Variants in ECHDC1 observed in about 807,000 individuals in gnomAD.
ECHDC1 encodes the protein ethylmalonyl-CoA decarboxylase.
Under a neutral mutation model 29.7 loss-of-function variants are expected in ECHDC1, and 29 were observed. That is an observed-to-expected ratio of 0.98 (90% CI 0.73 to 1.33). The LOEUF (loss-of-function observed/expected upper bound fraction) is 1.33. ECHDC1 is among the 40% of genes most tolerant of loss of function. The probability of loss-of-function intolerance (pLI) is 0.00; values close to 1 mark genes in which losing one functional copy is unlikely to be tolerated. For missense variants in ECHDC1, 328 were observed against 350.0 expected, an observed-to-expected ratio of 0.94 and a Z score of 0.50; for synonymous variants, 126 against 123.1, an observed-to-expected ratio of 1.02 and a Z score of -0.15.
chr6:127,341,922 T>C (rs1303379252), intron 1 of ECHDC1, among the ~76,000 whole-genome samples: 1 of 152,250 alleles, frequency 6.6e-6, no homozygotes, highest in East Asian at 1.9e-4. Flanking sequence ...TCTGATTCGG[T>C]TGTAGGCTGT....
At chr6:127,340,939 C>T (rs1784888113) in intron 1 of ECHDC1, among the ~76,000 whole-genome samples, 1 of 152,162 alleles carries the variant, frequency 6.6e-6, no homozygotes, top group Admixed American at 6.5e-5. Context: ...CTCTCTCCAA[C>T]ATCAACACTA....
At chr6:127,291,102 G>A (rs904590448) in intron 5 of ECHDC1, among the ~76,000 whole-genome samples, 2 of 151,908 alleles carry the variant, frequency 1.3e-5, no homozygotes, top group African/African-American at 2.4e-5. Context: ...GGAACATGGG[G>A]GATAAAATGA....
chr6:127,301,692 A>G (rs964204321), intron 5 of ECHDC1, among the ~76,000 whole-genome samples: 4 of 152,226 alleles, frequency 2.6e-5, no homozygotes, highest in African/African-American at 9.6e-5. Context: ...ACATTTAAGA[A>G]CTATAGTTGC....
chr6:127,325,808 T>C (rs1025119680), intron 3 of ECHDC1, among the ~76,000 whole-genome samples: 3 of 151,968 alleles, frequency 2.0e-5, no homozygotes, highest in African/African-American at 7.2e-5. Flanking sequence ...TCAAGCAACC[T>C]TCCCGCCTCA....
chr6:127,290,634 C>T (rs976170568), intron 5 of ECHDC1, among the ~76,000 whole-genome samples: 3 of 151,822 alleles, frequency 2.0e-5, no homozygotes, highest in African/African-American at 7.3e-5. Flanking sequence ...AAAAACAAAC[C>T]GAAAAGCATA....
intron 2 of ECHDC1, among the ~76,000 whole-genome samples, chr6:127,330,062 A>G (rs1005605739): frequency 6.6e-6 from 1 of 152,244 alleles, no homozygotes; most frequent in South Asian, 2.1e-4. Flanking sequence ...ATAATCATGA[A>G]GTGCATAACT....
Position 127,331,074 on chromosome 6 carries a change from A to T in ECHDC1, c.-2-44T>A, listed in dbSNP as rs1783892853. On this transcript the variant is annotated intron_variant, in intron 1 of 5. Transcript: ENST00000454859. Reference sequence around the variant, plus strand: ...TATGCGGTAGTATAGATGAATAGGCACTCACTTTTCTAATATTATGTGTTA... The same window carrying T: ...TATGCGGTAGTATAGATGAATAGGCTCTCACTTTTCTAATATTATGTGTTA... The T allele has an allele frequency of 2.0e-6, 3 of 1,470,316 alleles. No individual in the cohort carries two copies. In the East Asian group the frequency reaches 6.8e-5, roughly 33 times the overall value. 91.1% of individuals were successfully genotyped at this position (1,470,316 alleles called of 1,614,324 possible). A position where few individuals can be genotyped will look rare whatever the true frequency, so the allele number is the denominator to read the frequency against.
At chr6:127,299,084 C>T (rs191186449) in intron 5 of ECHDC1, among the ~76,000 whole-genome samples, 1 of 151,978 alleles carries the variant, frequency 6.6e-6, no homozygotes, top group African/African-American at 2.4e-5. Flanking sequence ...CCAGGCTGGT[C>T]TCCAACTCCT....
At chr6:127,325,254 C>T (rs1453262845) in intron 3 of ECHDC1, among the ~76,000 whole-genome samples, 1 of 152,112 alleles carries the variant, frequency 6.6e-6, no homozygotes, top group African/African-American at 2.4e-5. Flanking sequence ...CTCTTCAAAA[C>T]TGCCAAGGTC....
intron 5 of ECHDC1, chr6:127,294,637 G>A (rs1029819605): frequency 2.6e-5 from 4 of 152,092 alleles, no homozygotes; most frequent in Middle Eastern, 3.2e-3. Flanking sequence ...GTGAGGGGGG[G>A]AGCAGATATA....
intron 5 of ECHDC1, among the ~76,000 whole-genome samples, chr6:127,314,030 C>T (rs2114614754): frequency 6.6e-6 from 1 of 152,220 alleles, no homozygotes; most frequent in Middle Eastern, 3.4e-3. Context: ...GTCTACTAGA[C>T]GTCAGTGCTC....
At chr6:127,336,974 T>G (rs1784477408) in intron 1 of ECHDC1, among the ~76,000 whole-genome samples, 3 of 152,162 alleles carry the variant, frequency 2.0e-5, no homozygotes, top group African/African-American at 7.2e-5. Context: ...CACTGAGGAC[T>G]AAGCTCTGAT....
chr6:127,317,065 A>T (rs940500853), intron 3 of ECHDC1, among the ~76,000 whole-genome samples: 1 of 152,014 alleles, frequency 6.6e-6, no homozygotes. Flanking sequence ...TCTCCTCAAA[A>T]GCTTTTAATA....
chr6:127,334,549 T>A (rs1304290581), intron 1 of ECHDC1, among the ~76,000 whole-genome samples: 1 of 152,180 alleles, frequency 6.6e-6, no homozygotes, highest in Non-Finnish European at 1.5e-5. Context: ...GGTTTCTCAG[T>A]AGCTGTCTAC....
chr6:127,329,051 AAAAT>A (rs1221713209), intron 2 of ECHDC1, among the ~76,000 whole-genome samples: 1 of 151,874 alleles, frequency 6.6e-6, no homozygotes, highest in African/African-American at 2.4e-5. Flanking sequence ...AAATAAAATA[AAAAT>A]AAATAAATAA....
chr6:127,330,329 C>T (rs866650873), intron 2 of ECHDC1, among the ~76,000 whole-genome samples: 3 of 152,060 alleles, frequency 2.0e-5, no homozygotes, highest in African/African-American at 4.8e-5. Context: ...GGACAAGTGC[C>T]GTGTTTCTTC....
intron 5 of ECHDC1, among the ~76,000 whole-genome samples, chr6:127,298,138 C>T (rs1266678815): frequency 6.6e-6 from 1 of 152,098 alleles, no homozygotes; most frequent in Admixed American, 6.5e-5. Flanking sequence ...AACACAATAG[C>T]AAAATGTTAA....
chr6:127,332,984 A>G (rs1784099270), intron 1 of ECHDC1, among the ~76,000 whole-genome samples: 1 of 152,104 alleles, frequency 6.6e-6, no homozygotes. Flanking sequence ...GTAAAGACAG[A>G]GTTTCGCCAT....
At chr6:127,316,643 T>A in intron 3 of ECHDC1, 141 bp from the exon 4 acceptor site, 2 of 663,392 alleles carry the variant, frequency 3.0e-6, no homozygotes, top group East Asian at 3.1e-5. Flanking sequence ...AACTCTTTGA[T>A]GTTGTCTGAA....
Sources: gnomAD v4.1 joint callset for allele counts (sites outside exome capture counted in the v4.1 genomes callset) on GRCh38, gnomAD v4.1.1 for gene constraint, MANE v1.5 for transcripts, NCBI Gene and HGNC (gene_info 2026-07-23, HGNC 2026-07-21) for gene names.